ANKRD42: variants seen among roughly 807,000 people sequenced by gnomAD.
The protein encoded by ANKRD42 is ankyrin repeat domain-containing protein 42.
ANKRD42 carries 43 observed loss-of-function variants against 51.5 expected under a neutral mutation model. The ratio of observed to expected loss-of-function variants is 0.83; its 90% confidence interval spans 0.65 to 1.08. The LOEUF (loss-of-function observed/expected upper bound fraction) is 1.08, where lower values mean the gene tolerates loss of function less well. ANKRD42 is among the 50% of genes least tolerant of loss of function. The pLI is 0.00. For missense variants in ANKRD42, 608 were observed against 629.3 expected, an observed-to-expected ratio of 0.97 and a Z score of 0.36; for synonymous variants, 203 against 213.0, an observed-to-expected ratio of 0.95 and a Z score of 0.41.
chr11:83,204,996 A>G (rs1862014755), intron 2 of ANKRD42, among the ~76,000 whole-genome samples: 1 of 152,228 alleles, frequency 6.6e-6, no homozygotes, highest in African/African-American at 2.4e-5. Flanking sequence ...AAAAAACCAA[A>G]AAAATGGCAA....
At chr11:83,261,251 G>A (rs968654353), downstream of ANKRD42, 1 of 152,172 alleles carries the variant, frequency 6.6e-6, no homozygotes. Flanking sequence ...ATTTTTAGCA[G>A]AGACGGGGTT....
At chr11:83,252,196 C>T (rs1863686953), downstream of ANKRD42, among the ~76,000 whole-genome samples, 1 of 152,018 alleles carries the variant, frequency 6.6e-6, no homozygotes, top group Non-Finnish European at 1.5e-5. Flanking sequence ...AAATTAAAAC[C>T]CAAACAAGAT....
In ANKRD42 at chr11:83,210,351, A is replaced by C; in HGVS notation, c.382A>C (p.Thr128Pro). ...GACAGCCCAGGATGACCGGGGATGC[A>C]CTCCTTTACATCTTGCTGCAACTCA... ...NLTAQDDRGC[T>P]PLHLAATHGH... The change falls in exon 4 of 11, where the codon ACT becomes CCT. Residue 128 changes from threonine to proline, a missense_variant. Coordinates refer to ENST00000533342, the MANE Select transcript of ANKRD42 (RefSeq NM_001300975.2). 2 of 1,613,934 alleles carry C rather than the reference A, an allele frequency of 1.2e-6. No individual in the cohort carries two copies. Among genetic ancestry groups the C allele is most frequent in the Non-Finnish European group, 1.7e-6 (2 of 1,179,908 alleles).
At chr11:83,227,534 C>T (rs764758220) in intron 6 of ANKRD42, among the ~76,000 whole-genome samples, 4 of 152,108 alleles carry the variant, frequency 2.6e-5, no homozygotes, top group African/African-American at 9.7e-5. Flanking sequence ...ATACTTCTGG[C>T]ATGTTTGAAG....
chr11:83,219,741 T>A (rs1862658460), intron 5 of ANKRD42, among the ~76,000 whole-genome samples: 1 of 152,138 alleles, frequency 6.6e-6, no homozygotes, highest in African/African-American at 2.4e-5. Flanking sequence ...AAGGGGAAAG[T>A]TTATCTGGGG....
At chr11:83,207,397 A>G (rs568543661) in intron 3 of ANKRD42, among the ~76,000 whole-genome samples, 46 of 152,356 alleles carry the variant, frequency 3.0e-4, no homozygotes, top group Admixed American at 1.7e-3. Flanking sequence ...TTACAAAACA[A>G]TACAAAGCAA....
intron 7 of ANKRD42, among the ~76,000 whole-genome samples, chr11:83,228,192 A>G (rs948724643): frequency 7.4e-6 from 1 of 135,972 alleles, no homozygotes; most frequent in African/African-American, 2.7e-5. Context: ...AAAATGACCT[A>G]TTAATTCATA....
chr11:83,246,242 G>A (rs943813685), intron 10 of ANKRD42, among the ~76,000 whole-genome samples: 2 of 152,038 alleles, frequency 1.3e-5, no homozygotes, highest in Non-Finnish European at 2.9e-5. Context: ...TTTTTCCTTT[G>A]TTATTATTCC....
At chr11:83,233,637 G>T (rs1229169049) in intron 7 of ANKRD42, among the ~76,000 whole-genome samples, 2 of 151,918 alleles carry the variant, frequency 1.3e-5, no homozygotes, top group Admixed American at 6.6e-5. Flanking sequence ...TATTTGGCTT[G>T]CTCTTGGTTT....
In ANKRD42 at chr11:83,228,231, C is replaced by CTTT. The variant is rs11403803; in HGVS notation, c.913+395_913+397dup. On this transcript the variant is annotated intron_variant, in intron 7 of 10. Coordinates refer to ENST00000533342, the MANE Select transcript of ANKRD42 (RefSeq NM_001300975.2). ...AAATAGAAATCATCCCTCTCTCTCT[C>CTTT]TTTTTTTTTTTTTTTTTTTTTTTTT... 6.1e-3 allele frequency among the ~76,000 whole-genome samples: 357 copies of CTTT among 58,968 alleles called. 65 individuals carry two copies. The highest frequency in any genetic ancestry group is 8.7e-3 in the East Asian group (12 of 1,378). The allele number at this position is 58,968 out of a possible 152,430, so 38.7% of individuals were successfully genotyped here.
Position 83,255,815 on chromosome 11 carries a change from G to A in ANKRD42, c.1465-30G>A, listed in dbSNP as rs1311963256. The A allele has an allele frequency of 8.7e-6, 13 of 1,492,830 alleles. No individual in the cohort carries two copies. In the Middle Eastern group the frequency reaches 8.6e-4, roughly 99 times the overall value. The allele number at this position is 1,492,830 out of a possible 1,614,324, so 92.5% of individuals were successfully genotyped here. A position where few individuals can be genotyped will look rare whatever the true frequency, so the allele number is the denominator to read the frequency against. Reference sequence around the variant, plus strand: ...GAAAATGTGTGCTAGCATGAAAATTGTATTTGACCCTCTTTTCCTTTGCTT... The same window carrying A: ...GAAAATGTGTGCTAGCATGAAAATTATATTTGACCCTCTTTTCCTTTGCTT... On this transcript the variant is annotated intron_variant, in intron 11 of 11. Coordinates refer to the ANKRD42 transcript ENST00000260047.
chr11:83,235,472 T>A (rs1010500121), intron 7 of ANKRD42, among the ~76,000 whole-genome samples: 1 of 152,220 alleles, frequency 6.6e-6, no homozygotes, highest in Non-Finnish European at 1.5e-5. Context: ...GTGGCTTGAC[T>A]GAGGTTAGAT....
downstream of ANKRD42, among the ~76,000 whole-genome samples, chr11:83,262,681 C>G (rs1021335694): frequency 6.6e-6 from 1 of 152,128 alleles, no homozygotes; most frequent in Non-Finnish European, 1.5e-5. Context: ...AATAAAGACA[C>G]AAGAAATTAG....
chr11:83,212,710 A>T, intron 5 of ANKRD42: 1 of 1,536,128 alleles, frequency 6.5e-7, no homozygotes, highest in Non-Finnish European at 8.7e-7. Context: ...CTGGACTTAC[A>T]TAATTTGGCA....
chr11:83,210,108 T>TAAA, intron 3 of ANKRD42, 192 bp from the exon 4 acceptor site: 9 of 422,026 alleles, frequency 2.1e-5, no homozygotes, highest in South Asian at 8.6e-5. Flanking sequence ...TTTTGTAATC[T>TAAA]AAAAAAAAAA....
At chr11:83,233,209 T>C (rs1863131875) in intron 7 of ANKRD42, among the ~76,000 whole-genome samples, 1 of 150,092 alleles carries the variant, frequency 6.7e-6, no homozygotes, top group Non-Finnish European at 1.5e-5. Flanking sequence ...CCATCGGGTC[T>C]GGGGTTTTTT....
intron 11 of ANKRD42, among the ~76,000 whole-genome samples, chr11:83,255,572 T>C (rs1464560060): frequency 5.3e-5 from 8 of 152,226 alleles, no homozygotes; most frequent in Non-Finnish European, 1.0e-4. Flanking sequence ...GAAAATTGGC[T>C]ATATCTGACA....
chr11:83,225,755 G>T (rs1452361059), intron 6 of ANKRD42, among the ~76,000 whole-genome samples: 3 of 138,982 alleles, frequency 2.2e-5, no homozygotes. Flanking sequence ...ACTCCATCCT[G>T]GGCAGCAAGA....
intron 1 of ANKRD42, 81 bp from the exon 2 acceptor site, chr11:83,198,398 T>C (rs1861741447): frequency 1.5e-6 from 2 of 1,372,586 alleles, no homozygotes; most frequent in Non-Finnish European, 2.0e-6. Context: ...AATTTTGTGC[T>C]TTCTGTTATA....
Sources: gnomAD v4.1 joint callset for allele counts (sites outside exome capture counted in the v4.1 genomes callset) on GRCh38, gnomAD v4.1.1 for gene constraint, MANE v1.5 for transcripts, NCBI Gene and HGNC (gene_info 2026-07-23, HGNC 2026-07-21) for gene names.